Variants in ZNF25 observed in about 807,000 individuals in gnomAD.
The protein encoded by ZNF25 is zinc finger protein 25 (KOX 19).
ZNF25 carries 21 observed loss-of-function variants against 30.9 expected under a neutral mutation model. The ratio of observed to expected loss-of-function variants is 0.68; its 90% CI spans 0.48 to 0.98. The LOEUF (loss-of-function observed/expected upper bound fraction) is 0.98. ZNF25 is among the 50% of genes least tolerant of loss of function. ZNF25 has a pLI of 0.00. For synonymous variants in ZNF25, 169 were observed against 181.3 expected (o/e 0.93, Z 0.55); for missense variants, 501 against 529.9 (o/e 0.95, Z 0.54).
intron 2 of ZNF25, among the ~76,000 whole-genome samples, chr10:37,968,394 C>T (rs1416909382): frequency 1.4e-5 from 2 of 144,646 alleles, no homozygotes; most frequent in Non-Finnish European, 3.0e-5. Context: ...CTTGCTCTGT[C>T]ACCCAGGCTG....
In ZNF25 at chr10:37,971,716, T is replaced by C. The variant is rs535827955; in HGVS notation, c.7A>G (p.Lys3Glu). 1.2e-6 allele frequency: 2 copies of C among 1,613,736 alleles called. No individual in the cohort carries two copies. The highest frequency in any genetic ancestry group is 2.2e-5 in the South Asian group (2 of 91,070). The change falls in exon 2 of 6, where the codon AAG becomes GAG. Residue 3 changes from lysine (K) to glutamate (E), a missense_variant. Physicochemically the swap from Lys to Glu is moderately conservative, Grantham distance 56. Transcript: ENST00000302609. MNKFQGPVTLKDV... is the reference protein window; with the variant it reads MNEFQGPVTLKDV... ...CTAAGTAAATGACTCACCTGGAACT[T>C]GTTCATTTTCTGCTGCTCTTGGGAA...
intron 4 of ZNF25, among the ~76,000 whole-genome samples, chr10:37,956,119 G>A (rs1232119888): frequency 1.3e-5 from 2 of 152,228 alleles, no homozygotes; most frequent in African/African-American, 2.4e-5. Context: ...AAGAAGGCAG[G>A]ATGAGATTGT....
In ZNF25 at chr10:37,957,054, T is replaced by C. The variant is rs765042506; in HGVS notation, c.204A>G (p.Ile68Met). 1.9e-6 allele frequency: 3 copies of C among 1,614,112 alleles called. No individual in the cohort carries two copies. The highest frequency in any genetic ancestry group is 2.5e-6 in the Non-Finnish European group (3 of 1,180,002). The part of the protein sequence containing the change: ...FKLKQGKEPW[I>M]LEVEFPHRGF... ...CCCGATGTGGAAATTCTACTTCTAA[T>C]ATCCATGGCTCTTTTCCTTGCTTCA... The change falls in exon 4 of 6, where the codon ATA becomes ATG. Residue 68 changes from isoleucine to methionine, a missense_variant. Physicochemically the swap from Ile to Met is conservative, Grantham distance 10. Transcript: ENST00000302609.
intron 1 of ZNF25, among the ~76,000 whole-genome samples, chr10:37,975,377 CATTATGTA>C (rs1333711594): frequency 3.2e-5 from 3 of 95,008 alleles, no homozygotes; most frequent in African/African-American, 8.8e-5. Flanking sequence ...CAAATATGTA[CATTATGTA>C]CCAAAAAAAA....
At chr10:37,963,124 A>AT (rs2062982288) in intron 2 of ZNF25, among the ~76,000 whole-genome samples, 7 of 144,942 alleles carry the variant, frequency 4.8e-5, no homozygotes, top group Non-Finnish European at 7.6e-5. Flanking sequence ...TTATTTATTT[A>AT]TTTATTTTTT....
intron 2 of ZNF25, among the ~76,000 whole-genome samples, chr10:37,962,183 G>C (rs1182440563): frequency 6.6e-6 from 1 of 151,488 alleles, no homozygotes; most frequent in Non-Finnish European, 1.5e-5. Context: ...AGAGGTTGCA[G>C]TGAGCCAAGA....
rs1294074407 is a variant in ZNF25, at chr10:37,950,361, T to C, written c.*1766A>G. On this transcript the variant is annotated 3_prime_UTR_variant, in exon 6 of 6. Coordinates refer to ENST00000302609, the MANE Select transcript of ZNF25 (RefSeq NM_145011.4). Reference sequence around the variant, plus strand: ...ATATTCTTTGATTCTTTCAACCATTTAGAAATATAAAACCATTCTTAGCTT... The same window carrying C: ...ATATTCTTTGATTCTTTCAACCATTCAGAAATATAAAACCATTCTTAGCTT... 2.0e-5 allele frequency: 3 copies of C among 152,450 alleles called. No individual in the cohort carries two copies. The highest frequency in any genetic ancestry group is 7.2e-5 in the African/African-American group (3 of 41,442). 9.4% of individuals were successfully genotyped at this position (152,450 alleles called of 1,614,324 possible). A position where few individuals can be genotyped will look rare whatever the true frequency, so the allele number is the denominator to read the frequency against.
intron 2 of ZNF25, among the ~76,000 whole-genome samples, chr10:37,967,322 A>G (rs995007162): frequency 2.0e-5 from 3 of 152,356 alleles, no homozygotes; most frequent in Non-Finnish European, 4.4e-5. Context: ...TGCAGTTATC[A>G]AAACAGTGAG....
intron 2 of ZNF25, 60 bp downstream of exon 2, chr10:37,971,641 ACACACAC>A (rs2063496081): frequency 6.8e-7 from 1 of 1,467,932 alleles, no homozygotes; most frequent in Non-Finnish European, 9.2e-7. Flanking sequence ...ACACACACAC[ACACACAC>A]ACACACACAC....
intron 2 of ZNF25, among the ~76,000 whole-genome samples, chr10:37,961,231 C>T (rs1419712863): frequency 6.6e-6 from 1 of 152,172 alleles, no homozygotes; most frequent in Non-Finnish European, 1.5e-5. Context: ...GTGTTATATA[C>T]ACACATGGAC....
chr10:37,951,018 G>C lies in ZNF25; in HGVS notation c.*1109C>G, dbSNP rs2062114166. 6.6e-6 allele frequency: 1 copy of C among 152,118 alleles called. No individual in the cohort carries two copies. Among genetic ancestry groups the C allele is most frequent in the Admixed American group, 6.6e-5 (1 of 15,264 alleles). The allele number at this position is 152,118 out of a possible 1,614,324, so 9.4% of individuals were successfully genotyped here. A position where few individuals can be genotyped will look rare whatever the true frequency, so the allele number is the denominator to read the frequency against. On this transcript the variant is annotated 3_prime_UTR_variant, in exon 6 of 6. Coordinates refer to ENST00000302609, the MANE Select transcript of ZNF25 (RefSeq NM_145011.4). ...TACTGTTTTTAGCTGTTTAAAAACA[G>C]CTCAGGCTTTTGCTATATATAAATG... is the stretch of plus-strand genomic sequence containing the variant.
chr10:37,953,240 GC>G, intron 5 of ZNF25, 45 bp from the exon 6 acceptor site: 1 of 1,514,912 alleles, frequency 6.6e-7, no homozygotes, highest in Non-Finnish European at 8.8e-7. Flanking sequence ...GACTTTTAAG[GC>G]TTTTTGTTCC....
chr10:37,957,258 G>A (rs1371613944), intron 3 of ZNF25, 143 bp from the exon 4 acceptor site: 4 of 1,242,960 alleles, frequency 3.2e-6, no homozygotes, highest in Non-Finnish European at 4.5e-6. Context: ...GGGAGAGAGG[G>A]ACACAAATAT....
chr10:37,957,933 T>C (rs566932474), intron 2 of ZNF25, among the ~76,000 whole-genome samples: 1 of 152,320 alleles, frequency 6.6e-6, no homozygotes, highest in African/African-American at 2.4e-5. Flanking sequence ...CCTACAGTGT[T>C]CAGTACAGTA....
At chr10:37,963,243 C>T (rs972716386) in intron 2 of ZNF25, among the ~76,000 whole-genome samples, 1 of 152,076 alleles carries the variant, frequency 6.6e-6, no homozygotes. Flanking sequence ...CCGCCCCAGG[C>T]TCCCAAGTAG....
chr10:37,976,283 C>T (rs1278009122), intron 1 of ZNF25, among the ~76,000 whole-genome samples: 1 of 152,188 alleles, frequency 6.6e-6, no homozygotes, highest in Non-Finnish European at 1.5e-5. Flanking sequence ...GCGGCTGCTC[C>T]GGGCGCCCAC....
At chr10:37,957,680 AC>A in intron 2 of ZNF25, 134 bp from the exon 3 acceptor site, 2 of 937,030 alleles carry the variant, frequency 2.1e-6, no homozygotes, top group Non-Finnish European at 3.0e-6. Flanking sequence ...GCCATGCTGT[AC>A]CCTGCTTTAT....
chr10:37,965,914 A>C (rs1363670217), intron 2 of ZNF25, among the ~76,000 whole-genome samples: 3 of 152,224 alleles, frequency 2.0e-5, no homozygotes, highest in Non-Finnish European at 2.9e-5. Flanking sequence ...TATATCAGCA[A>C]TTTGTATACA....
At chr10:37,955,279 CA>C (rs370332268) in intron 4 of ZNF25, among the ~76,000 whole-genome samples, 61 of 152,160 alleles carry the variant, frequency 4.0e-4, no homozygotes, top group African/African-American at 1.4e-3. Flanking sequence ...TAGTTCCTGA[CA>C]AAAAATTCAT....
Sources: allele counts gnomAD v4.1 joint callset (sites outside exome capture counted in the v4.1 genomes callset), GRCh38; gene constraint gnomAD v4.1.1; transcripts MANE v1.5; gene names NCBI Gene and HGNC (gene_info 2026-07-23, HGNC 2026-07-21).